Variants in CAMSAP2 observed in about 807,000 individuals in gnomAD.
The protein encoded by CAMSAP2 is calmodulin-regulated spectrin-associated protein 2.
Under a neutral mutation model 146.1 loss-of-function variants are expected in CAMSAP2, and 26 were observed. That is an observed-to-expected ratio of 0.18 (90% CI 0.13 to 0.25). The LOEUF is 0.25. Ranked by LOEUF, CAMSAP2 falls within the 10% of genes least tolerant of loss-of-function variation. CAMSAP2 has a pLI of 1.00. For synonymous variants in CAMSAP2, 499 were observed against 596.6 expected (o/e 0.84, Z 2.38); for missense variants, 1,381 against 1,759.3 (o/e 0.78, Z 3.85).
chr1:200,780,939 G>A (rs1015230404), intron 2 of CAMSAP2, among the ~76,000 whole-genome samples: 1 of 152,192 alleles, frequency 6.6e-6, no homozygotes, highest in East Asian at 1.9e-4. Flanking sequence ...GAACAGTTAC[G>A]ATTATGTCAA....
At chr1:200,782,144 A>G (rs1179347925) in intron 2 of CAMSAP2, among the ~76,000 whole-genome samples, 1 of 152,208 alleles carries the variant, frequency 6.6e-6, no homozygotes, top group African/African-American at 2.4e-5. Flanking sequence ...AACACTAAAA[A>G]TCTTTAGAGC....
chr1:200,763,037 T>A (rs1418790639), intron 2 of CAMSAP2, among the ~76,000 whole-genome samples: 1 of 152,088 alleles, frequency 6.6e-6, no homozygotes, highest in East Asian at 1.9e-4. Flanking sequence ...GTAGCTGAGA[T>A]TATAGGCGTG....
intron 4 of CAMSAP2, among the ~76,000 whole-genome samples, chr1:200,817,220 A>T (rs1162090388): frequency 9.2e-6 from 1 of 108,414 alleles, no homozygotes; most frequent in African/African-American, 3.7e-5. Flanking sequence ...ATACACACAT[A>T]TGTGTGTGTA....
chr1:200,766,544 C>T (rs1664957549), intron 2 of CAMSAP2, among the ~76,000 whole-genome samples: 1 of 152,166 alleles, frequency 6.6e-6, no homozygotes, highest in African/African-American at 2.4e-5. Flanking sequence ...CATCCCTTTT[C>T]TATTGATGAA....
chr1:200,805,384 C>T (rs1231806806), intron 2 of CAMSAP2, among the ~76,000 whole-genome samples: 1 of 152,158 alleles, frequency 6.6e-6, no homozygotes, highest in Non-Finnish European at 1.5e-5. Flanking sequence ...CTGCTAGTTG[C>T]CAGATACCAC....
intron 6 of CAMSAP2, among the ~76,000 whole-genome samples, chr1:200,838,102 GA>G (rs1287604709): frequency 6.6e-6 from 1 of 152,128 alleles, no homozygotes; most frequent in Non-Finnish European, 1.5e-5. Context: ...CATGAACTCA[GA>G]AAGACATAAT....
In CAMSAP2 at chr1:200,856,044, C is replaced by G; in HGVS notation, c.3931C>G (p.Arg1311Gly). ...TGTAGAAGGCTTCTTATCTCCAAGT[C>G]GTTGTGGCAGTCGAAATGGAGAAAA... Reference protein sequence around the residue: ...ESVEGFLSPSRCGSRNGEKDW... With the variant: ...ESVEGFLSPSGCGSRNGEKDW... The change falls in exon 15 of 17, where the codon CGT (arginine) becomes GGT (glycine). Residue 1311 changes from arginine to glycine, a missense_variant. This residue lies in a region of CAMSAP2 where 560 missense variants were observed against 715.9 expected (regional missense o/e 0.78). Coordinates refer to ENST00000358823, the MANE Select transcript of CAMSAP2 (RefSeq NM_203459.4). The G allele has an allele frequency of 6.2e-7, 1 of 1,613,732 alleles. No homozygotes were observed. Among genetic ancestry groups the G allele is most frequent in the Non-Finnish European group, 8.5e-7 (1 of 1,179,710 alleles).
chr1:200,844,710 T>C, intron 7 of CAMSAP2, 72 bp from the exon 8 acceptor site: 1 of 778,702 alleles, frequency 1.3e-6, no homozygotes, highest in Non-Finnish European at 2.1e-6. Context: ...TTGTTATAAA[T>C]TTGCTTATGG....
intron 4 of CAMSAP2, chr1:200,828,706 G>C: frequency 3.6e-6 from 4 of 1,102,702 alleles, no homozygotes; most frequent in Non-Finnish European, 4.0e-6. Context: ...AATTCTGTTA[G>C]TCATTGAATA....
intron 7 of CAMSAP2, 98 bp downstream of exon 7, chr1:200,842,185 A>ATTT: frequency 3.9e-6 from 3 of 767,456 alleles, no homozygotes; most frequent in South Asian, 1.8e-5. Flanking sequence ...TCAGCCTATT[A>ATTT]TTTTTTTTTT....
intron 2 of CAMSAP2, among the ~76,000 whole-genome samples, chr1:200,772,343 T>C (rs1034613523): frequency 6.6e-5 from 10 of 152,214 alleles, no homozygotes; most frequent in African/African-American, 2.4e-4. Flanking sequence ...GCACAGTGAC[T>C]CACACCTATA....
At position 200,852,560 on chromosome 1, in the gene CAMSAP2, A is replaced by G; in HGVS notation, c.3485A>G (p.Asn1162Ser). Residue 1162 changes from asparagine (N) to serine (S), a missense_variant, in exon 12 of 17, where the codon AAT becomes AGT. Asn to Ser is a conservative substitution (Grantham distance 46, BLOSUM62 1). This residue lies in a region of CAMSAP2 where 560 missense variants were observed against 715.9 expected (regional missense o/e 0.78). Transcript: ENST00000358823. ...FFFKDDQKAENDMAMKRAALL... is the reference protein window; with the variant it reads ...FFFKDDQKAESDMAMKRAALL... The stretch of plus-strand genomic sequence containing the variant: ...TCTTAGGATGATCAAAAAGCAGAAA[A>G]TGATATGGCAATGAAACGGGCAGCT... 1 of 1,612,758 alleles carries G rather than the reference A, an allele frequency of 6.2e-7. No homozygotes were observed. Among genetic ancestry groups the G allele is most frequent in the South Asian group, 1.1e-5 (1 of 90,746 alleles).
chr1:200,740,931 T>A (rs556382416), intron 1 of CAMSAP2, among the ~76,000 whole-genome samples: 1 of 152,350 alleles, frequency 6.6e-6, no homozygotes, highest in Admixed American at 6.5e-5. Flanking sequence ...CCCTAGTTAA[T>A]GAAGTTTAGA....
intron 3 of CAMSAP2, among the ~76,000 whole-genome samples, chr1:200,809,995 G>T (rs755464617): frequency 3.9e-5 from 6 of 152,108 alleles, no homozygotes; most frequent in Non-Finnish European, 8.8e-5. Context: ...TCTGTGAATT[G>T]GGTCTGCTCT....
intron 8 of CAMSAP2, among the ~76,000 whole-genome samples, chr1:200,846,467 G>A (rs1173458195): frequency 2.0e-5 from 3 of 152,148 alleles, no homozygotes; most frequent in African/African-American, 7.2e-5. Context: ...ATTTTTCCCA[G>A]CAGAAACTCT....
chr1:200,814,108 CA>C (rs34408164), intron 3 of CAMSAP2, among the ~76,000 whole-genome samples: 9,539 of 28,726 alleles, frequency 0.33, 868 homozygotes, highest in Non-Finnish European at 0.39. Flanking sequence ...ACTGTGTTTC[CA>C]AAAAAAAAAA....
At chr1:200,746,620 A>ATT (rs35083171) in intron 1 of CAMSAP2, among the ~76,000 whole-genome samples, 10 of 141,498 alleles carry the variant, frequency 7.1e-5, no homozygotes, top group Admixed American at 3.5e-4. Flanking sequence ...CACTAGTCAC[A>ATT]TTTTTTTTTT....
chr1:200,767,638 G>A (rs942906482), intron 2 of CAMSAP2, among the ~76,000 whole-genome samples: 2 of 152,168 alleles, frequency 1.3e-5, no homozygotes, highest in Non-Finnish European at 2.9e-5. Context: ...TATAAATGTA[G>A]TATTGTAATA....
intron 2 of CAMSAP2, among the ~76,000 whole-genome samples, chr1:200,786,162 C>A (rs991403835): frequency 1.3e-5 from 2 of 152,022 alleles, no homozygotes; most frequent in African/African-American, 4.8e-5. Flanking sequence ...GGAGGTTTAT[C>A]AATTCTGTTA....
Sources: gnomAD v4.1 joint callset for allele counts (sites outside exome capture counted in the v4.1 genomes callset) on GRCh38, gnomAD v4.1.1 for gene constraint, gnomAD v4.1.1 regional missense constraint, MANE v1.5 for transcripts, NCBI Gene and HGNC (gene_info 2026-07-23, HGNC 2026-07-21) for gene names.